CDH13: variants seen among roughly 807,000 people sequenced by gnomAD.
CDH13 encodes the protein cadherin 13.
CDH13 carries 24 observed loss-of-function variants against 63.8 expected under a neutral mutation model. The observed-to-expected ratio is 0.38, with a 90% confidence interval of 0.27 to 0.53. The LOEUF is 0.53. CDH13 is among the 20% of genes least tolerant of loss of function. The pLI, the probability that CDH13 is intolerant of heterozygous loss-of-function variation, is 0.85. For synonymous variants in CDH13, 503 were observed against 355.3 expected, an observed-to-expected ratio of 1.42 and a Z score of -4.67; for missense variants, 1,049 against 903.1, an observed-to-expected ratio of 1.16 and a Z score of -2.07.
At chr16:83,090,949 A>G (rs1361732478) in intron 3 of CDH13, among the ~76,000 whole-genome samples, 1 of 151,444 alleles carries the variant, frequency 6.6e-6, no homozygotes, top group Non-Finnish European at 1.5e-5. Context: ...ATTCTTTTCT[A>G]TTCCTCATTC....
At chr16:82,830,960 A>T (rs1225964113) in intron 1 of CDH13, among the ~76,000 whole-genome samples, 1 of 152,168 alleles carries the variant, frequency 6.6e-6, no homozygotes, top group African/African-American at 2.4e-5. Flanking sequence ...TGGTATACAG[A>T]GGGTGCTTAG....
At chr16:82,763,347 T>C (rs1468892578) in intron 1 of CDH13, among the ~76,000 whole-genome samples, 7 of 152,232 alleles carry the variant, frequency 4.6e-5, no homozygotes, top group Non-Finnish European at 1.0e-4. Context: ...TATAAGTTGC[T>C]TATTTTCCAC....
chr16:82,816,473 T>C (rs1221465088), intron 1 of CDH13, among the ~76,000 whole-genome samples: 1 of 151,696 alleles, frequency 6.6e-6, no homozygotes, highest in East Asian at 1.9e-4. Context: ...GAGGATAGAG[T>C]TGGGGAGGAA....
At chr16:83,397,307 T>C (rs968829026) in intron 6 of CDH13, 5 of 152,156 alleles carry the variant, frequency 3.3e-5, no homozygotes, top group Admixed American at 3.3e-4. Flanking sequence ...GTCAAGAAGT[T>C]CAACCCTTCC....
chr16:82,927,302 C>G (rs1216040312), intron 2 of CDH13, among the ~76,000 whole-genome samples: 3 of 152,148 alleles, frequency 2.0e-5, no homozygotes, highest in Non-Finnish European at 4.4e-5. Flanking sequence ...AACTCCTACT[C>G]ACGGAGAGTC....
At chr16:83,227,337 C>A (rs1567521670) in intron 5 of CDH13, among the ~76,000 whole-genome samples, 1 of 152,164 alleles carries the variant, frequency 6.6e-6, no homozygotes, top group African/African-American at 2.4e-5. Flanking sequence ...AGGGAGGAGG[C>A]AGCAGCAGTT....
intron 6 of CDH13, among the ~76,000 whole-genome samples, chr16:83,434,200 G>T (rs1390256432): frequency 6.6e-6 from 1 of 152,090 alleles, no homozygotes; most frequent in Non-Finnish European, 1.5e-5. Flanking sequence ...GCATCTCAAC[G>T]AACTCTGCTC....
rs1460964779 is a variant in CDH13, at chr16:83,797,812, C to T, written c.*2782C>T. On this transcript the variant is annotated 3_prime_UTR_variant, in exon 14 of 14. Coordinates refer to ENST00000567109, the MANE Select transcript of CDH13 (RefSeq NM_001257.5). ...ACACCTTCACTTCTTTTTATTAATA[C>T]TCAACCAACTTAGTTGATTAAAAAT... 1 of 152,198 alleles carries T rather than the reference C, an allele frequency of 6.6e-6. No homozygotes were observed. The highest frequency in any genetic ancestry group is 2.4e-5 in the African/African-American group (1 of 41,452). 9.4% of individuals were successfully genotyped at this position (152,198 alleles called of 1,614,324 possible). A position where few individuals can be genotyped will look rare whatever the true frequency, so the allele number is the denominator to read the frequency against.
At chr16:83,524,425 T>A (rs1374211615) in intron 7 of CDH13, among the ~76,000 whole-genome samples, 2 of 150,194 alleles carry the variant, frequency 1.3e-5, no homozygotes, top group African/African-American at 4.9e-5. Flanking sequence ...AGTCATGAAT[T>A]TCATGTCTTT....
intron 2 of CDH13, among the ~76,000 whole-genome samples, chr16:82,899,923 G>A (rs1056963576): frequency 6.6e-6 from 1 of 152,144 alleles, no homozygotes; most frequent in East Asian, 1.9e-4. Context: ...AAGTGATTAC[G>A]AGGGCAGAGC....
At chr16:83,661,365 C>G (rs79147160) in intron 8 of CDH13, among the ~76,000 whole-genome samples, 25,271 of 151,992 alleles carry the variant, frequency 0.17, 2,518 homozygotes, top group Middle Eastern at 0.27. Flanking sequence ...CACATACACA[C>G]CCAGCTACTA....
At chr16:83,383,696 G>A (rs761957452) in intron 6 of CDH13, among the ~76,000 whole-genome samples, 1 of 152,138 alleles carries the variant, frequency 6.6e-6, no homozygotes, top group Non-Finnish European at 1.5e-5. Flanking sequence ...TTGGCCAGGG[G>A]GAGCCTGGGG....
chr16:83,717,296 C>G (rs1368413993), intron 10 of CDH13, among the ~76,000 whole-genome samples: 2 of 152,092 alleles, frequency 1.3e-5, no homozygotes, highest in East Asian at 1.9e-4. Context: ...CAAATGAAGA[C>G]TTGTAGTGAT....
chr16:83,737,103 G>C (rs1316971081), intron 10 of CDH13, among the ~76,000 whole-genome samples: 1 of 152,196 alleles, frequency 6.6e-6, no homozygotes, highest in Non-Finnish European at 1.5e-5. Context: ...CAGGCACGCT[G>C]GTAATTCATG....
chr16:82,915,261 A>G (rs1217754877), intron 2 of CDH13, among the ~76,000 whole-genome samples: 1 of 152,176 alleles, frequency 6.6e-6, no homozygotes, highest in Admixed American at 6.5e-5. Flanking sequence ...TAATATCGCA[A>G]GAGTCTAATG....
chr16:83,207,143 T>C (rs1039743826), intron 4 of CDH13, among the ~76,000 whole-genome samples: 1 of 152,188 alleles, frequency 6.6e-6, no homozygotes, highest in African/African-American at 2.4e-5. Context: ...GCAGTGGCAT[T>C]AAGTACATCC....
intron 6 of CDH13, among the ~76,000 whole-genome samples, chr16:83,430,595 T>C (rs1311671293): frequency 6.6e-6 from 1 of 152,170 alleles, no homozygotes; most frequent in Non-Finnish European, 1.5e-5. Flanking sequence ...AATTTCCAAG[T>C]CTCTGCTTGA....
intron 8 of CDH13, among the ~76,000 whole-genome samples, chr16:83,624,213 A>G (rs1438520507): frequency 6.6e-6 from 1 of 152,092 alleles, no homozygotes; most frequent in Non-Finnish European, 1.5e-5. Context: ...TTATACACAA[A>G]GGCAGGAACA....
intron 4 of CDH13, among the ~76,000 whole-genome samples, chr16:83,213,844 G>A (rs1053011293): frequency 6.6e-6 from 1 of 152,052 alleles, no homozygotes; most frequent in African/African-American, 2.4e-5. Context: ...TCTGTAGCTA[G>A]GATTGTAAAA....
Sources: gnomAD v4.1 joint callset for allele counts (sites outside exome capture counted in the v4.1 genomes callset) on GRCh38, gnomAD v4.1.1 for gene constraint, MANE v1.5 for transcripts, NCBI Gene and HGNC (gene_info 2026-07-23, HGNC 2026-07-21) for gene names.